CENPN: variants seen among roughly 807,000 people sequenced by gnomAD.
CENPN encodes the protein interphase centromere complex protein 32.
A neutral mutation model predicts 48.6 loss-of-function variants in CENPN; 36 were observed. That is an observed-to-expected ratio of 0.74 (90% CI 0.57 to 0.98). The LOEUF (loss-of-function observed/expected upper bound fraction) is 0.98, where lower values mean the gene tolerates loss of function less well. CENPN is among the 50% of genes least tolerant of loss of function. The probability of loss-of-function intolerance (pLI) is 0.00; values close to 1 mark genes in which losing one functional copy is unlikely to be tolerated. For synonymous variants in CENPN, 166 were observed against 135.2 expected (o/e 1.23, Z -1.58); for missense variants, 439 against 399.2 (o/e 1.10, Z -0.85).
At chr16:81,017,938 TTAGTAA>T (rs770130759) in intron 5 of CENPN, 104 bp downstream of exon 5, 2 of 656,334 alleles carry the variant, frequency 3.0e-6, no homozygotes, top group South Asian at 1.9e-5. Context: ...AGAAATTCAG[TTAGTAA>T]TAGTTCATAC....
Position 81,028,251 on chromosome 16 carries a change from C to T in CENPN, c.891C>T (p.Phe297=). Residue 297 remains phenylalanine, a synonymous_variant, in exon 10 of 11, where the codon TTC becomes TTT. Transcript: ENST00000305850. ...AACCCCTCCGATGCCTAATAAAGTT[C>T]TCTAGCCCACATCTTCTGGAAGCAT... ...REEPLRCLIK[F]SSPHLLEALK... 1 of 1,614,058 alleles carries T rather than the reference C, an allele frequency of 6.2e-7. No individual in the cohort carries two copies. Among genetic ancestry groups the T allele is most frequent in the Non-Finnish European group, 8.5e-7 (1 of 1,179,910 alleles).
chr16:81,025,450 A>G (rs1970419339), intron 8 of CENPN, among the ~76,000 whole-genome samples: 1 of 152,364 alleles, frequency 6.6e-6, no homozygotes, highest in Middle Eastern at 3.4e-3. Flanking sequence ...TGCCACTGTT[A>G]TAAACTAAAC....
chr16:81,009,082 C>G (rs1256821394), intron 1 of CENPN, among the ~76,000 whole-genome samples: 2 of 152,122 alleles, frequency 1.3e-5, no homozygotes, highest in African/African-American at 4.8e-5. Context: ...TGGTGCACAC[C>G]TGTAATCCCA....
intron 8 of CENPN, 65 bp from the exon 9 acceptor site, chr16:81,026,461 G>A (rs939317748): frequency 5.6e-6 from 4 of 710,746 alleles, no homozygotes; most frequent in Non-Finnish European, 9.6e-6. Context: ...AGGAATGAAA[G>A]GAGGATAATT....
At position 81,017,816 on chromosome 16, in the gene CENPN, TC is replaced by T; in HGVS notation, c.337del (p.Gln113ArgfsTer4). The T allele has an allele frequency of 6.4e-7, 1 of 1,563,550 alleles. No homozygotes were observed. The highest frequency in any genetic ancestry group is 1.2e-5 in the South Asian group (1 of 85,832). On this transcript the variant is annotated frameshift_variant, in exon 5 of 11. Transcript: ENST00000305850. LOFTEE classifies it high-confidence loss of function. ...QFKNSFKKIL[Q>X]RALKNVTVSF... The stretch of plus-strand genomic sequence containing the variant: ...TTAAAAATTCGTTCAAGAAAATTCT[TC>T]AGAGAGCATTAAAAAATGTAAGAAT...
chr16:81,012,232 G>A (rs1188658027), intron 2 of CENPN, 122 bp downstream of exon 2: 2 of 730,814 alleles, frequency 2.7e-6, no homozygotes, highest in Non-Finnish European at 4.2e-6. Flanking sequence ...AAGTGATGAG[G>A]GCTATATACA....
At chr16:81,032,252 G>C (rs1361747193), downstream of CENPN, among the ~76,000 whole-genome samples, 1 of 152,168 alleles carries the variant, frequency 6.6e-6, no homozygotes, top group Non-Finnish European at 1.5e-5. Flanking sequence ...GCCACATATG[G>C]ATGGACCTTT....
intron 8 of CENPN, 47 bp downstream of exon 8, chr16:81,024,825 C>A: frequency 8.2e-7 from 1 of 1,213,524 alleles, no homozygotes; most frequent in South Asian, 1.3e-5. Context: ...TGCATCATTC[C>A]CTTATAGATT....
At chr16:81,017,876 G>T in intron 5 of CENPN, 42 bp downstream of exon 5, 1 of 1,204,166 alleles carries the variant, frequency 8.3e-7, no homozygotes, top group South Asian at 1.3e-5. Flanking sequence ...TCAATGTCAT[G>T]ACGTCTGTGC....
At position 81,028,213 on chromosome 16, in the gene CENPN, G is replaced by C. The variant is rs771464375; in HGVS notation, c.853G>C (p.Ala285Pro). 1 of 1,613,306 alleles carries C rather than the reference G, an allele frequency of 6.2e-7. No homozygotes were observed. Among genetic ancestry groups the C allele is most frequent in the Admixed American group, 1.7e-5 (1 of 60,018 alleles). ...FKSGLNGSILAEREEPLRCLI... is the reference protein window; with the variant it reads ...FKSGLNGSILPEREEPLRCLI... The stretch of plus-strand genomic sequence containing the variant: ...AAGTGGTTTAAATGGGAGCATCTTG[G>C]CTGAGAGGGAAGAACCCCTCCGATG... Residue 285 changes from alanine to proline, a missense_variant, in exon 10 of 11, where the codon GCT becomes CCT. Ala to Pro is a conservative substitution (Grantham distance 27, BLOSUM62 -1). Coordinates refer to ENST00000305850, the MANE Select transcript of CENPN (RefSeq NM_001100624.3).
At chr16:81,010,027 T>C (rs912356329) in intron 1 of CENPN, among the ~76,000 whole-genome samples, 2 of 152,126 alleles carry the variant, frequency 1.3e-5, no homozygotes, top group Non-Finnish European at 1.5e-5. Flanking sequence ...GGTGAAACCA[T>C]GTCTCTACTA....
intron 6 of CENPN, among the ~76,000 whole-genome samples, chr16:81,021,292 G>A (rs1372916535): frequency 6.6e-6 from 1 of 152,146 alleles, no homozygotes; most frequent in Non-Finnish European, 1.5e-5. Context: ...TTATGGTTCT[G>A]CCTTTAATAT....
At chr16:81,009,459 G>T (rs2151673333) in intron 1 of CENPN, among the ~76,000 whole-genome samples, 1 of 152,212 alleles carries the variant, frequency 6.6e-6, no homozygotes, top group African/African-American at 2.4e-5. Flanking sequence ...GGGAAGCAGG[G>T]GCCACGCAAC....
chr16:81,011,812 G>C (rs1969750952), intron 1 of CENPN, 118 bp from the exon 2 acceptor site: 2 of 796,684 alleles, frequency 2.5e-6, no homozygotes, highest in Non-Finnish European at 1.9e-6. Context: ...AGACCAACGT[G>C]GGCAATCTAG....
chr16:81,032,668 T>A, downstream of CENPN: 1 of 1,610,988 alleles, frequency 6.2e-7, no homozygotes, highest in Non-Finnish European at 8.5e-7. Flanking sequence ...GTACCTTCTG[T>A]TTGTCCCATT....
intron 1 of CENPN, among the ~76,000 whole-genome samples, chr16:81,008,908 G>A (rs1969622369): frequency 6.6e-6 from 1 of 152,224 alleles, no homozygotes; most frequent in Admixed American, 6.5e-5. Flanking sequence ...GTTCTGTAAA[G>A]ACAATTAGCA....
In CENPN at chr16:81,026,517, C is replaced by A. The variant is rs370593161; in HGVS notation, c.698-9C>A. On this transcript the variant is annotated splice_polypyrimidine_tract_variant and intron_variant, in intron 8 of 10. Transcript: ENST00000305850. ...AACGGCTGTTTTATTTGAAATCTTCCACCCATAGTGGATTCAAGGATCATT... is the reference window on the plus strand; with the variant it reads ...AACGGCTGTTTTATTTGAAATCTTCAACCCATAGTGGATTCAAGGATCATT... The A allele has an allele frequency of 5.6e-5, 78 of 1,383,762 alleles. No homozygotes were observed. The South Asian group carries it at 8.3e-4, about 15-fold the overall frequency. The allele number at this position is 1,383,762 out of a possible 1,614,324, so 85.7% of individuals were successfully genotyped here.
chr16:81,022,981 T>A, intron 7 of CENPN: 11 of 1,033,934 alleles, frequency 1.1e-5, no homozygotes, highest in Non-Finnish European at 1.4e-5. Context: ...TGTTTTCTCT[T>A]TAGAGAAACT....
At chr16:81,010,366 TCTTC>T (rs1305026085) in intron 1 of CENPN, among the ~76,000 whole-genome samples, 3 of 152,166 alleles carry the variant, frequency 2.0e-5, no homozygotes. Flanking sequence ...GAGCTCAGAA[TCTTC>T]CTTCCTTATT....
Sources: allele counts gnomAD v4.1 joint callset (sites outside exome capture counted in the v4.1 genomes callset), GRCh38; gene constraint gnomAD v4.1.1; transcripts MANE v1.5; gene names NCBI Gene and HGNC (gene_info 2026-07-23, HGNC 2026-07-21).